Variants in MITF observed in about 807,000 individuals in gnomAD.
MITF encodes the protein melanocyte inducing transcription factor, also known as microphthalmia-associated transcription factor.
Under a neutral mutation model 60.5 loss-of-function variants are expected in MITF, and 17 were observed. The ratio of observed to expected loss-of-function variants is 0.28; its 90% CI spans 0.19 to 0.42. The LOEUF is 0.42. Among genes scored for constraint, MITF ranks in the 10% least tolerant of loss-of-function variants. MITF has a pLI of 1.00. For synonymous variants in MITF, 260 were observed against 248.5 expected (o/e 1.05, Z -0.43); for missense variants, 622 against 683.5 (o/e 0.91, Z 1.00).
intron 2 of MITF, among the ~76,000 whole-genome samples, chr3:69,920,244 C>T (rs953853156): frequency 1.3e-5 from 2 of 152,260 alleles, no homozygotes; most frequent in African/African-American, 2.4e-5. Flanking sequence ...CAGGCGGACC[C>T]GTGGTCTAGC....
intron 1 of MITF, among the ~76,000 whole-genome samples, chr3:69,809,836 C>T (rs2063072842): frequency 6.6e-6 from 1 of 152,052 alleles, no homozygotes; most frequent in African/African-American, 2.4e-5. Flanking sequence ...AAGATAATAC[C>T]ATGAACATTC....
intron 2 of MITF, among the ~76,000 whole-genome samples, chr3:69,890,141 A>G (rs1190844262): frequency 6.6e-6 from 1 of 151,986 alleles, no homozygotes; most frequent in Non-Finnish European, 1.5e-5. Flanking sequence ...ATTAGTCATT[A>G]TTTTCTTGCT....
chr3:69,859,816 T>G (rs1456788669), intron 1 of MITF, among the ~76,000 whole-genome samples: 1 of 152,076 alleles, frequency 6.6e-6, no homozygotes, highest in African/African-American at 2.4e-5. Flanking sequence ...ATGTCCACAT[T>G]TTTCTTTTTA....
chr3:69,954,976 T>C (rs939082286), intron 7 of MITF, among the ~76,000 whole-genome samples: 1 of 152,236 alleles, frequency 6.6e-6, no homozygotes, highest in African/African-American at 2.4e-5. Flanking sequence ...CTTTAAATTA[T>C]TTGGAATTTA....
intron 1 of MITF, among the ~76,000 whole-genome samples, chr3:69,799,066 A>G (rs757315105): frequency 6.6e-5 from 10 of 152,204 alleles, no homozygotes; most frequent in Non-Finnish European, 1.2e-4. Context: ...ATGTTTCTTT[A>G]GTTCCCCAAC....
intron 1 of MITF, among the ~76,000 whole-genome samples, chr3:69,791,406 A>G (rs2062738115): frequency 6.6e-6 from 1 of 152,164 alleles, no homozygotes; most frequent in African/African-American, 2.4e-5. Context: ...AGACAAATAC[A>G]TGTTCCTGAG....
At chr3:69,806,087 A>G (rs1559641902) in intron 1 of MITF, among the ~76,000 whole-genome samples, 3 of 142,386 alleles carry the variant, frequency 2.1e-5, no homozygotes, top group South Asian at 4.5e-4. Flanking sequence ...AGCAGAGCCA[A>G]TTTTTTTTTT....
chr3:69,929,722 A>G (rs1200220497), intron 2 of MITF, among the ~76,000 whole-genome samples: 1 of 150,520 alleles, frequency 6.6e-6, no homozygotes, highest in South Asian at 2.1e-4. Context: ...CCCCCTATTC[A>G]TTGTATTGAA....
intron 1 of MITF, among the ~76,000 whole-genome samples, chr3:69,793,180 A>T (rs1664009282): frequency 7.9e-6 from 1 of 127,272 alleles, no homozygotes; most frequent in African/African-American, 2.7e-5. Flanking sequence ...CACCTGGCTA[A>T]TTTTTTTGTA....
intron 1 of MITF, among the ~76,000 whole-genome samples, chr3:69,788,412 A>T (rs893466878): frequency 1.3e-5 from 2 of 151,372 alleles, no homozygotes; most frequent in Non-Finnish European, 2.9e-5. Flanking sequence ...TGTGATAACC[A>T]CTATTTTCTC....
chr3:69,889,900 T>C (rs112749241), intron 2 of MITF, among the ~76,000 whole-genome samples: 6,522 of 152,182 alleles, frequency 0.043, 329 homozygotes, highest in African/African-American at 0.12. Flanking sequence ...CCACACGTGG[T>C]CTTTGCATTG....
intron 2 of MITF, among the ~76,000 whole-genome samples, chr3:69,888,543 C>T (rs765073940): frequency 1.3e-5 from 2 of 151,600 alleles, no homozygotes; most frequent in Admixed American, 6.6e-5. Context: ...GGGATCAAGC[C>T]GTAGACGTAC....
At chr3:69,766,285 C>T (rs1269273776) in intron 1 of MITF, among the ~76,000 whole-genome samples, 7 of 151,222 alleles carry the variant, frequency 4.6e-5, no homozygotes, top group Admixed American at 2.6e-4. Context: ...TCTCAGCTCA[C>T]TGCAACCTCT....
chr3:69,825,632 T>C (rs1367580664), intron 1 of MITF, among the ~76,000 whole-genome samples: 3 of 152,190 alleles, frequency 2.0e-5, no homozygotes, highest in Admixed American at 2.0e-4. Flanking sequence ...CAGTTGTTCT[T>C]TTCTTCCCCT....
At chr3:69,740,737 A>G (rs1055529803) in intron 1 of MITF, among the ~76,000 whole-genome samples, 1 of 152,198 alleles carries the variant, frequency 6.6e-6, no homozygotes, top group Non-Finnish European at 1.5e-5. Flanking sequence ...GTGAGCTAGG[A>G]TAAGGCTATC....
intron 7 of MITF, among the ~76,000 whole-genome samples, chr3:69,956,244 T>A (rs1277680283): frequency 6.6e-6 from 1 of 152,164 alleles, no homozygotes; most frequent in Non-Finnish European, 1.5e-5. Context: ...AAATGAGAAA[T>A]CGTCTGTATC....
intron 1 of MITF, among the ~76,000 whole-genome samples, chr3:69,780,528 T>C (rs1232177734): frequency 2.6e-5 from 4 of 152,216 alleles, no homozygotes; most frequent in Non-Finnish European, 5.9e-5. Flanking sequence ...ATAGTTCTGA[T>C]AATTGACTGG....
At chr3:69,866,304 G>C (rs772561182) in intron 1 of MITF, 6 of 1,613,826 alleles carry the variant, frequency 3.7e-6, no homozygotes, top group Non-Finnish European at 5.1e-6. Context: ...GAGGCGCTTA[G>C]AGTTCAGATG....
chr3:69,887,858 G>A (rs1027767458), intron 2 of MITF, among the ~76,000 whole-genome samples: 2 of 152,114 alleles, frequency 1.3e-5, no homozygotes, highest in African/African-American at 2.4e-5. Context: ...GTAAAGTGAT[G>A]TCCTGATGCA....
Sources: gnomAD v4.1 joint callset for allele counts (sites outside exome capture counted in the v4.1 genomes callset) on GRCh38, gnomAD v4.1.1 for gene constraint, MANE v1.5 for transcripts, NCBI Gene and HGNC (gene_info 2026-07-23, HGNC 2026-07-21) for gene names.